Variants in GRIK4 observed in about 807,000 individuals in gnomAD.
GRIK4 encodes the protein glutamate ionotropic receptor kainate type subunit 4, also known as glutamate receptor ionotropic, kainate 4.
Under a neutral mutation model 104.9 loss-of-function variants are expected in GRIK4, and 40 were observed. That is an observed-to-expected ratio of 0.38 (90% CI 0.30 to 0.50). The LOEUF (loss-of-function observed/expected upper bound fraction) is 0.50. GRIK4 is among the 20% of genes least tolerant of loss of function. GRIK4 has a pLI of 0.93. For missense variants in GRIK4, 1,047 were observed against 1,308.1 expected (o/e 0.80, Z 3.08); for synonymous variants, 485 against 524.9 (o/e 0.92, Z 1.04).
At chr11:120,678,974 A>G (rs373805022) in intron 3 of GRIK4, among the ~76,000 whole-genome samples, 4 of 150,776 alleles carry the variant, frequency 2.7e-5, no homozygotes, top group Admixed American at 1.3e-4. Context: ...TTTTGTTTTT[A>G]AAGAGCCAAT....
rs1322531756 is a variant in GRIK4, at chr11:120,903,182, C to T, written c.1273-2108C>T. On this transcript the variant is annotated intron_variant, in intron 12 of 20. Transcript: ENST00000527524. The surrounding 1 kb of genome is among the most constrained non-coding windows in gnomAD (Gnocchi z 4.4). ...CTCCATGCACACCTGTACCCAAGCC[C>T]GATTGTCCCTGCCACCCCTGCTCCC... 2.6e-5 allele frequency among the ~76,000 whole-genome samples: 4 copies of T among 152,098 alleles called. No individual in the cohort carries two copies. The highest frequency in any genetic ancestry group is 4.4e-5 in the Non-Finnish European group (3 of 68,020).
intron 1 of GRIK4, among the ~76,000 whole-genome samples, chr11:120,619,692 C>T (rs1949161208): frequency 6.6e-6 from 1 of 152,066 alleles, no homozygotes. Flanking sequence ...GTGTGTGGCA[C>T]CTCCCCTACT....
At chr11:120,565,226 C>T (rs948969921) in intron 1 of GRIK4, among the ~76,000 whole-genome samples, 4 of 152,230 alleles carry the variant, frequency 2.6e-5, no homozygotes, top group African/African-American at 9.6e-5. Flanking sequence ...TGCCATGTCG[C>T]CACCGGCTGC....
intron 1 of GRIK4, among the ~76,000 whole-genome samples, chr11:120,597,058 T>C (rs937724106): frequency 1.3e-5 from 2 of 152,146 alleles, no homozygotes; most frequent in African/African-American, 4.8e-5. Context: ...TCCCCTCACT[T>C]GGGGCTTCTA....
chr11:120,517,695 A>G (rs1428432021), intron 1 of GRIK4, among the ~76,000 whole-genome samples: 2 of 152,134 alleles, frequency 1.3e-5, no homozygotes, highest in Non-Finnish European at 2.9e-5. Flanking sequence ...CCCTATAAAC[A>G]AAGGCATAGA....
chr11:120,651,659 C>A (rs1405682113), intron 1 of GRIK4, among the ~76,000 whole-genome samples: 1 of 152,098 alleles, frequency 6.6e-6, no homozygotes, highest in African/African-American at 2.4e-5. Flanking sequence ...TGAGTCAGAC[C>A]AGGTCCAGCT....
intron 19 of GRIK4, among the ~76,000 whole-genome samples, chr11:120,969,638 G>C (rs1944440777): frequency 6.6e-6 from 1 of 152,196 alleles, no homozygotes; most frequent in Non-Finnish European, 1.5e-5. Flanking sequence ...TTGGATGATT[G>C]TCAGCATATG....
chr11:120,742,526 A>ATTAT (rs1555053365), intron 3 of GRIK4, among the ~76,000 whole-genome samples: 100 of 146,270 alleles, frequency 6.8e-4, no homozygotes, highest in Middle Eastern at 3.5e-3. Flanking sequence ...TATTATTATT[A>ATTAT]TTTTTTTTTG....
chr11:120,529,685 T>G (rs1478941983), intron 1 of GRIK4, among the ~76,000 whole-genome samples: 1 of 152,230 alleles, frequency 6.6e-6, no homozygotes, highest in African/African-American at 2.4e-5. Context: ...TGACTCCTGA[T>G]AGGGAGTAGC....
chr11:120,660,552 T>TGGTGGA, intron 3 of GRIK4, 152 bp downstream of exon 3: 1 of 623,336 alleles, frequency 1.6e-6, no homozygotes, highest in Non-Finnish European at 2.8e-6. Context: ...CAGGTGGTGG[T>TGGTGGA]GGTGGAGGCA....
At position 120,566,067 on chromosome 11, in the gene GRIK4, A is replaced by G. The variant is rs576879545; in HGVS notation, c.-159+54180A>G. On this transcript the variant is annotated intron_variant, in intron 1 of 20. Coordinates refer to ENST00000527524, the MANE Select transcript of GRIK4 (RefSeq NM_014619.5). Reference sequence around the variant, plus strand: ...CCACAGAGGTTAAGTTTTATATCCAAGATACAGTAAATGGCAGCCTGGATT... The same window carrying G: ...CCACAGAGGTTAAGTTTTATATCCAGGATACAGTAAATGGCAGCCTGGATT... 1.4e-4 allele frequency among the ~76,000 whole-genome samples: 21 copies of G among 152,370 alleles called. No homozygotes were observed. The East Asian group carries it at 4.0e-3, about 29-fold the overall frequency.
chr11:120,547,073 C>G (rs942394800), intron 1 of GRIK4, among the ~76,000 whole-genome samples: 3 of 152,208 alleles, frequency 2.0e-5, no homozygotes, highest in African/African-American at 7.2e-5. Flanking sequence ...TCCACATTCT[C>G]CTGTCTTGTG....
At chr11:120,815,615 T>C (rs1565369168) in intron 5 of GRIK4, 140 bp downstream of exon 5, 1 of 543,688 alleles carries the variant, frequency 1.8e-6, no homozygotes, top group East Asian at 3.5e-5. Context: ...TAAATACAAA[T>C]ACAGAAGCAG....
chr11:120,794,822 G>A (rs1484039242), intron 3 of GRIK4, among the ~76,000 whole-genome samples: 8 of 152,182 alleles, frequency 5.3e-5, no homozygotes, highest in African/African-American at 9.7e-5. Flanking sequence ...CTCCAAGGCT[G>A]GTAGCGGCCC....
In GRIK4 at chr11:120,956,674, C is replaced by T. The variant is rs2134710717; in HGVS notation, c.1701-106C>T. ...GTCCAGCAAAGGGAAGTGGCTTGCC[C>T]AAGGCCACAGGCCGGTCTCAGAGGT... On this transcript the variant is annotated intron_variant, in intron 15 of 20. Coordinates refer to ENST00000527524, the MANE Select transcript of GRIK4 (RefSeq NM_014619.5). The surrounding 1 kb of genome is among the most constrained non-coding windows in gnomAD (Gnocchi z 4.6). 1 of 727,850 alleles carries T rather than the reference C, an allele frequency of 1.4e-6. No homozygotes were observed. Among genetic ancestry groups the T allele is most frequent in the East Asian group, 3.0e-5 (1 of 33,588 alleles). The allele number at this position is 727,850 out of a possible 1,614,324, so 45.1% of individuals were successfully genotyped here.
intron 4 of GRIK4, among the ~76,000 whole-genome samples, chr11:120,809,262 C>T (rs1472242601): frequency 1.3e-5 from 2 of 152,168 alleles, no homozygotes; most frequent in Non-Finnish European, 2.9e-5. Context: ...TCCATGGGGC[C>T]ACTACACCCC....
chr11:120,957,174 A>T (rs1944175051), intron 16 of GRIK4, among the ~76,000 whole-genome samples: 1 of 152,174 alleles, frequency 6.6e-6, no homozygotes, highest in South Asian at 2.1e-4. Flanking sequence ...TGGGGTCTGG[A>T]TGCAGAGGGG....
intron 11 of GRIK4, among the ~76,000 whole-genome samples, chr11:120,877,803 C>T (rs1459675709): frequency 6.6e-6 from 1 of 152,180 alleles, no homozygotes; most frequent in Non-Finnish European, 1.5e-5. Flanking sequence ...GCTCACTCCA[C>T]AGAAAGCCTG....
At chr11:120,837,435 G>A (rs1591976128) in intron 8 of GRIK4, among the ~76,000 whole-genome samples, 1 of 152,160 alleles carries the variant, frequency 6.6e-6, no homozygotes, top group African/African-American at 2.4e-5. Context: ...GCCTTCTCTT[G>A]AACTTGAGTA....
Sources: allele counts gnomAD v4.1 joint callset (sites outside exome capture counted in the v4.1 genomes callset), GRCh38; gene constraint gnomAD v4.1.1; non-coding constraint Gnocchi (gnomAD v3.1); transcripts MANE v1.5; gene names NCBI Gene and HGNC (gene_info 2026-07-23, HGNC 2026-07-21).